Variants in SH3BP4 observed in about 807,000 individuals in gnomAD.
SH3BP4 encodes the protein SH3 domain binding protein 4, also known as SH3 domain-binding protein 4.
Under a neutral mutation model 65.5 loss-of-function variants are expected in SH3BP4, and 33 were observed. That is an observed-to-expected ratio of 0.50 (90% confidence interval 0.38 to 0.67). SH3BP4 has a LOEUF of 0.67. SH3BP4 is among the 30% of genes least tolerant of loss of function. SH3BP4 has a pLI of 0.00. For synonymous variants in SH3BP4, 552 were observed against 545.5 expected (o/e 1.01, Z -0.17); for missense variants, 1,134 against 1,261.4 (o/e 0.90, Z 1.53).
At chr2:234,982,810 A>C (rs1442305985) in intron 1 of SH3BP4, among the ~76,000 whole-genome samples, 3 of 152,138 alleles carry the variant, frequency 2.0e-5, no homozygotes, top group Non-Finnish European at 4.4e-5. Flanking sequence ...CACGTGGGGT[A>C]GGGCAAACTG....
chr2:234,987,775 A>G (rs1378092146), intron 1 of SH3BP4, among the ~76,000 whole-genome samples: 3 of 152,196 alleles, frequency 2.0e-5, no homozygotes, highest in Non-Finnish European at 4.4e-5. Flanking sequence ...TCCAGAAGTG[A>G]TTGGGCAGTG....
chr2:234,958,237 T>G (rs1574770660), intron 1 of SH3BP4, among the ~76,000 whole-genome samples: 1 of 152,292 alleles, frequency 6.6e-6, no homozygotes, highest in African/African-American at 2.4e-5. Context: ...GCACATAAGC[T>G]GATTATTTTT....
intron 2 of SH3BP4, among the ~76,000 whole-genome samples, chr2:235,023,082 G>A (rs1020311772): frequency 2.0e-5 from 3 of 152,176 alleles, no homozygotes; most frequent in Admixed American, 2.0e-4. Flanking sequence ...AGCTGGAGTT[G>A]GGAATCCTGG....
intron 2 of SH3BP4, among the ~76,000 whole-genome samples, chr2:235,012,031 A>G (rs1349431750): frequency 6.6e-6 from 1 of 152,340 alleles, no homozygotes; most frequent in East Asian, 1.9e-4. Context: ...ATTAGGTCCT[A>G]TTATAGGGAA....
chr2:234,988,275 A>T (rs111862341), intron 1 of SH3BP4, among the ~76,000 whole-genome samples: 1 of 151,974 alleles, frequency 6.6e-6, no homozygotes, highest in East Asian at 1.9e-4. Context: ...TAGCCAGGAT[A>T]GTCTTGATCT....
rs75672613 is a variant in SH3BP4 at position 235,045,766 on chromosome 2, C to T, written c.2478+2519C>T. On this transcript the variant is annotated intron_variant, in intron 4 of 5. Transcript: ENST00000392011. The surrounding 1 kb of genome is among the most constrained non-coding windows in gnomAD (Gnocchi z 4.3). ...GCTGCCACGATTTCTGCGGCCTCTG[C>T]CACCGCTTTACCTGCCCCTCCCAGA... Among the ~76,000 whole-genome samples the T allele has an allele frequency of 0.016, 2,465 of 152,284 alleles. 61 individuals are homozygous for T. Among genetic ancestry groups the T allele is most frequent in the African/African-American group, 0.056 (2,331 of 41,542 alleles).
At chr2:234,996,658 C>T (rs187249058) in intron 2 of SH3BP4, among the ~76,000 whole-genome samples, 1 of 152,352 alleles carries the variant, frequency 6.6e-6, no homozygotes, top group East Asian at 1.9e-4. Context: ...AAGGCATCCA[C>T]ATTCCTGGCA....
At chr2:235,014,133 C>T (rs1559244430) in intron 2 of SH3BP4, among the ~76,000 whole-genome samples, 1 of 152,004 alleles carries the variant, frequency 6.6e-6, no homozygotes, top group Admixed American at 6.6e-5. Flanking sequence ...CTTACGGTGA[C>T]ATAGCAGGAT....
At chr2:235,038,055 G>A (rs914155601) in intron 3 of SH3BP4, among the ~76,000 whole-genome samples, 2 of 150,584 alleles carry the variant, frequency 1.3e-5, no homozygotes, top group East Asian at 2.0e-4. Flanking sequence ...TCCCCGCTAC[G>A]CGCCAGGCCT....
chr2:235,008,971 C>A (rs1365993349), intron 2 of SH3BP4, among the ~76,000 whole-genome samples: 2 of 152,208 alleles, frequency 1.3e-5, no homozygotes, highest in Admixed American at 1.3e-4. Context: ...AGGGGCTGGG[C>A]TGACATTTGC....
In SH3BP4 at chr2:235,010,761, C is replaced by T. The variant is rs1450586580; in HGVS notation, c.-133+15385C>T. 1.5e-4 allele frequency among the ~76,000 whole-genome samples: 11 copies of T among 72,236 alleles called. 1 individual carries two copies. The South Asian group carries it at 3.1e-3, about 20-fold the overall frequency. The allele number at this position is 72,236 out of a possible 152,430, so 47.4% of individuals were successfully genotyped here. ...GCTCTCCAAGGACAACCCTTCCTCC[C>T]TCTCCTAGGAGAACCCTTCCTCCCT... On this transcript the variant is annotated intron_variant, in intron 2 of 5. Transcript: ENST00000392011.
intron 1 of SH3BP4, among the ~76,000 whole-genome samples, chr2:234,959,168 C>T (rs933946662): frequency 4.6e-5 from 7 of 152,180 alleles, no homozygotes; most frequent in Non-Finnish European, 7.4e-5. Flanking sequence ...TCAGCAGACT[C>T]ACTTGCTCTT....
chr2:235,032,196 G>C (rs576190481), intron 2 of SH3BP4, among the ~76,000 whole-genome samples: 1 of 152,286 alleles, frequency 6.6e-6, no homozygotes, highest in Non-Finnish European at 1.5e-5. Context: ...TGGTGGGGGT[G>C]GGAGCACCCC....
intron 1 of SH3BP4, among the ~76,000 whole-genome samples, chr2:234,987,018 C>T (rs982982131): frequency 8.6e-5 from 13 of 151,994 alleles, no homozygotes; most frequent in Admixed American, 1.3e-4. Context: ...GGGATCCACC[C>T]GTCTTGGCCT....
At position 235,046,647 on chromosome 2, in the gene SH3BP4, TGAA is replaced by T. The variant is rs1284362606; in HGVS notation, c.2478+3401_2478+3403del. Among the ~76,000 whole-genome samples, 1 of 152,146 alleles carries T rather than the reference TGAA, an allele frequency of 6.6e-6. No homozygotes were observed. The highest frequency in any genetic ancestry group is 2.4e-5 in the African/African-American group (1 of 41,436). ...ACTTGTTTCTCATTATTACTCTAAC[TGAA>T]CATAGGTCCCATGAGAGGAAGGGCC... On this transcript the variant is annotated intron_variant, in intron 4 of 5. Coordinates refer to ENST00000392011, the MANE Select transcript of SH3BP4 (RefSeq NM_014521.3). This position sits in a 1 kb window ranked among gnomAD's most constrained non-coding sequence, Gnocchi z 4.2.
chr2:235,038,363 TATAATATATATACA>T (rs1559254531), intron 3 of SH3BP4, among the ~76,000 whole-genome samples: 871 of 35,892 alleles, frequency 0.024, 87 homozygotes, highest in African/African-American at 0.13. Flanking sequence ...TATATATATA[TATAATATATATACA>T]TATATATATA....
At chr2:235,043,433 G>A (rs1695745907) in intron 4 of SH3BP4, among the ~76,000 whole-genome samples, 186 bp downstream of exon 4, 2 of 54,688 alleles carry the variant, frequency 3.7e-5, no homozygotes, top group African/African-American at 1.5e-4. Context: ...ATGCGTGGGC[G>A]TGGGCCGTGG....
intron 3 of SH3BP4, among the ~76,000 whole-genome samples, chr2:235,036,216 G>A (rs1333717726): frequency 2.0e-5 from 3 of 152,194 alleles, no homozygotes; most frequent in Non-Finnish European, 4.4e-5. Flanking sequence ...GGGCATTGCT[G>A]TAAATGTTCT....
Position 234,974,290 on chromosome 2 carries a change from G to T in SH3BP4, c.-206-21013G>T, listed in dbSNP as rs939586948. ...TGAAGCAGGAGAATCACTTGAACCC[G>T]GGAGGCTGGGGTTGCAGTGAGCCAA... On this transcript the variant is annotated intron_variant, in intron 1 of 5. Transcript: ENST00000392011. This position sits in a 1 kb window ranked among gnomAD's most constrained non-coding sequence, Gnocchi z 4.6. Among the ~76,000 whole-genome samples, 1 of 152,052 alleles carries T rather than the reference G, an allele frequency of 6.6e-6. No individual in the cohort carries two copies. The highest frequency in any genetic ancestry group is 6.6e-5 in the Admixed American group (1 of 15,258).
Sources: gnomAD v4.1 joint callset for allele counts (sites outside exome capture counted in the v4.1 genomes callset) on GRCh38, gnomAD v4.1.1 for gene constraint, Gnocchi (gnomAD v3.1) non-coding constraint, MANE v1.5 for transcripts, NCBI Gene and HGNC (gene_info 2026-07-23, HGNC 2026-07-21) for gene names.